KIF7: variants seen among roughly 807,000 people sequenced by gnomAD.
KIF7 encodes kinesin family member 7, also known as kinesin-like protein KIF7.
A neutral mutation model predicts 135.7 loss-of-function variants in KIF7; 104 were observed. The ratio of observed to expected loss-of-function variants is 0.77; its 90% confidence interval spans 0.65 to 0.90. KIF7 has a LOEUF of 0.90. Among genes scored for constraint, KIF7 ranks in the 40% least tolerant of loss-of-function variants. The pLI is 0.00. For missense variants in KIF7, 2,005 were observed against 1,839.1 expected (o/e 1.09, Z -1.65); for synonymous variants, 883 against 809.4 (o/e 1.09, Z -1.54).
chr15:89,655,783 A>G (rs1006596802), upstream of KIF7, among the ~76,000 whole-genome samples: 1 of 152,144 alleles, frequency 6.6e-6, no homozygotes, highest in African/African-American at 2.4e-5. Context: ...CCACTCACAC[A>G]GCCGGCAGAA....
intron 15 of KIF7, chr15:89,631,185 ACT>A (rs1488545085): frequency 2.6e-6 from 1 of 391,812 alleles, no homozygotes; most frequent in East Asian, 4.5e-5. Flanking sequence ...TGCGCCTGAC[ACT>A]CCACACACGA....
chr15:89,658,291 T>TA (rs1033969939), upstream of KIF7, among the ~76,000 whole-genome samples: 90 of 146,312 alleles, frequency 6.2e-4, no homozygotes, highest in South Asian at 6.6e-4. Context: ...TCTCTACAAA[T>TA]AAAAAAAAAT....
In KIF7 at chr15:89,628,379, G is replaced by A. The variant is rs765374587; in HGVS notation, c.*40C>T. The stretch of plus-strand genomic sequence containing the variant: ...AACAGGCAGCTGCCCCTTTCAGCAG[G>A]CTCGGAGTCTCCCTCCAAGGCAGGG... On this transcript the variant is annotated 3_prime_UTR_variant, in exon 19 of 19. Transcript: ENST00000394412. 6.4e-7 allele frequency: 1 copy of A among 1,568,016 alleles called. No homozygotes were observed. Among genetic ancestry groups the A allele is most frequent in the East Asian group, 2.2e-5 (1 of 44,520 alleles).
At position 89,649,787 on chromosome 15, in the gene KIF7, A is replaced by C; in HGVS notation, c.483T>G (p.Thr161=). The part of the protein sequence containing the change: ...EEFRDLLEVG[T]ASRDIQLRED... ...CCCGGAGCTGGATGTCACGGCTGGC[A>C]GTGCCCACCTCGAGCAGGTCTCGGA... Residue 161 remains threonine (T), a synonymous_variant, in exon 3 of 19, where the codon ACT becomes ACG. Coordinates refer to ENST00000394412, the MANE Select transcript of KIF7 (RefSeq NM_198525.3). 6.4e-7 allele frequency: 1 copy of C among 1,551,800 alleles called. No individual in the cohort carries two copies. Among genetic ancestry groups the C allele is most frequent in the Non-Finnish European group, 8.7e-7 (1 of 1,147,012 alleles).
At chr15:89,640,904 G>T (rs1277564491) in intron 11 of KIF7, among the ~76,000 whole-genome samples, 1 of 152,000 alleles carries the variant, frequency 6.6e-6, no homozygotes. Context: ...TCAGGAGGCT[G>T]AGGCATAAGG....
In KIF7 at chr15:89,648,222, C is replaced by T. The variant is rs201856298; in HGVS notation, c.1443+33G>A. 7.2e-3 allele frequency: 10,573 copies of T among 1,476,618 alleles called. 59 individuals are homozygous for T. The highest frequency in any genetic ancestry group is 8.5e-3 in the Non-Finnish European group (9,431 of 1,111,104). 91.5% of individuals were successfully genotyped at this position (1,476,618 alleles called of 1,614,324 possible). A position where few individuals can be genotyped will look rare whatever the true frequency, so the allele number is the denominator to read the frequency against. On this transcript the variant is annotated intron_variant, in intron 5 of 18. Transcript: ENST00000394412. ...TTCCTCTCCACCACTCCCCACTGCC[C>T]ACAACCACAACCACAACCTGTCCCT...
rs1167075751 is a variant in KIF7, at chr15:89,649,026, C to G, written c.871G>C (p.Asp291His). 1 of 1,548,016 alleles carries G rather than the reference C, an allele frequency of 6.5e-7. No homozygotes were observed. Among genetic ancestry groups the G allele is most frequent in the Non-Finnish European group, 8.7e-7 (1 of 1,146,564 alleles). The part of the protein sequence containing the change: ...ALGNVISALG[D>H]PQRRGSHIPY... The stretch of plus-strand genomic sequence containing the variant: ...ATGTGGCTGCCCCGGCGCTGAGGGT[C>G]CCCCAGGGCGCTGATGACGTTGCCC... Residue 291 changes from aspartate (D) to histidine (H), a missense_variant, in exon 4 of 19, where the codon GAC (aspartate) becomes CAC (histidine). Physicochemically the swap from Asp to His is moderately conservative, Grantham distance 81 (BLOSUM62 -1). Coordinates refer to ENST00000394412, the MANE Select transcript of KIF7 (RefSeq NM_198525.3).
At chr15:89,621,529 G>A (rs376343323) in intron 1 of KIF7, 203 of 1,613,140 alleles carry the variant, frequency 1.3e-4, no homozygotes, top group Middle Eastern at 1.7e-4. Context: ...CTTTGGATTC[G>A]GAGGTACCTG....
At chr15:89,626,241 CATGTGA>C (rs1963523843), downstream of KIF7, among the ~76,000 whole-genome samples, 1 of 152,190 alleles carries the variant, frequency 6.6e-6, no homozygotes. Context: ...AACTTGTGTG[CATGTGA>C]ACAGAAGCCC....
At chr15:89,653,013 C>A (rs914037578) in intron 1 of KIF7, 59 bp from the exon 2 acceptor site, 2 of 1,331,238 alleles carry the variant, frequency 1.5e-6, no homozygotes, top group Non-Finnish European at 2.0e-6. Context: ...GCTGGACTCA[C>A]CCTGCAGGGG....
At chr15:89,629,777 A>G (rs1257901037) in intron 16 of KIF7, 7 of 644,930 alleles carry the variant, frequency 1.1e-5, no homozygotes. Context: ...CTCTCACCTT[A>G]TCTGCTATCT....
intron 15 of KIF7, 106 bp downstream of exon 15, chr15:89,631,389 G>T: frequency 3.8e-6 from 4 of 1,064,958 alleles, no homozygotes; most frequent in Non-Finnish European, 4.0e-6. Context: ...TGGGTCTGCC[G>T]ACAGCAAGGC....
chr15:89,623,680 A>G (rs1338736374), downstream of KIF7: 11 of 1,613,056 alleles, frequency 6.8e-6, no homozygotes, highest in Admixed American at 5.0e-5. Context: ...ACCAAGAAGG[A>G]TCTCTCATAC....
downstream of KIF7, chr15:89,625,069 G>A (rs765418556): frequency 5.6e-6 from 9 of 1,613,786 alleles, no homozygotes; most frequent in East Asian, 2.2e-5. Context: ...ATTAGAGGCT[G>A]AGCCCCTCAG....
intron 8 of KIF7, 69 bp downstream of exon 8, chr15:89,645,824 A>AT: frequency 6.4e-7 from 1 of 1,573,848 alleles, no homozygotes; most frequent in Non-Finnish European, 8.6e-7. Context: ...AGACGGTGCG[A>AT]TCCCCAGCCT....
In KIF7 at chr15:89,649,394, C is replaced by T. The variant is rs537014848; in HGVS notation, c.530-27G>A. 6 of 1,446,854 alleles carry T rather than the reference C, an allele frequency of 4.1e-6. No homozygotes were observed. The East Asian group carries it at 1.5e-4, about 36-fold the overall frequency. 89.6% of individuals were successfully genotyped at this position (1,446,854 alleles called of 1,614,324 possible). A position where few individuals can be genotyped will look rare whatever the true frequency, so the allele number is the denominator to read the frequency against. On this transcript the variant is annotated intron_variant, in intron 3 of 18. Coordinates refer to ENST00000394412, the MANE Select transcript of KIF7 (RefSeq NM_198525.3). ...TGCGGGCACAGAAGGCCGTGAGCCC[C>T]AGGGCAGGGGCCGCCAGACTGACCA...
At position 89,631,438 on chromosome 15, in the gene KIF7, GCAGA is replaced by G. The variant is rs767164158; in HGVS notation, c.3111+53_3111+56del. 5.7e-4 allele frequency: 827 copies of G among 1,438,782 alleles called. 1 individual carries two copies. Among genetic ancestry groups the G allele is most frequent in the Middle Eastern group, 2.2e-3 (9 of 4,152 alleles). The allele number at this position is 1,438,782 out of a possible 1,614,324, so 89.1% of individuals were successfully genotyped here. On this transcript the variant is annotated intron_variant, in intron 15 of 18. Transcript: ENST00000394412. The stretch of plus-strand genomic sequence containing the variant: ...AGGGCTGGAGCAAGGGCTGAGGAGA[GCAGA>G]CAGACAGGCATACAATGGCACCAAG...
At chr15:89,621,436 G>C (rs756678525) in intron 1 of KIF7, 2 of 1,613,960 alleles carry the variant, frequency 1.2e-6, no homozygotes, top group Non-Finnish European at 1.7e-6. Flanking sequence ...GGTCTCCCAA[G>C]AGTCTTCTTT....
chr15:89,640,722 T>C (rs1159155020), intron 11 of KIF7, among the ~76,000 whole-genome samples: 1 of 151,756 alleles, frequency 6.6e-6, no homozygotes, highest in African/African-American at 2.4e-5. Flanking sequence ...CAGTGGCTCA[T>C]GCCTGCAATC....
Sources: allele counts gnomAD v4.1 joint callset (sites outside exome capture counted in the v4.1 genomes callset), GRCh38; gene constraint gnomAD v4.1.1; transcripts MANE v1.5; gene names NCBI Gene and HGNC (gene_info 2026-07-23, HGNC 2026-07-21).